The following ATM variants were observed in gnomAD, a reference collection of about 807,000 sequenced individuals.
ATM encodes the protein ATM serine/threonine kinase.
In ATM, 308 loss-of-function variants were observed where a neutral mutation model predicts 387.0. The observed-to-expected ratio is 0.80, with a 90% CI of 0.73 to 0.87. ATM has a LOEUF of 0.87. ATM is among the 40% of genes least tolerant of loss of function. ATM has a pLI of 0.00. For missense variants in ATM, 3,312 were observed against 3,560.9 expected, an observed-to-expected ratio of 0.93 and a Z score of 1.78; for synonymous variants, 1,156 against 1,187.3, an observed-to-expected ratio of 0.97 and a Z score of 0.54.
At chr11:108,291,399 A>G (rs895409787) in intron 29 of ATM, among the ~76,000 whole-genome samples, 1 of 152,244 alleles carries the variant, frequency 6.6e-6, no homozygotes, top group Admixed American at 6.5e-5. Flanking sequence ...TTAAATGGCC[A>G]GTTCAGTAGC....
Position 108,368,730 on chromosome 11 carries a change from C to G in ATM, c.*3222C>G, listed in dbSNP as rs1222514012. 1 of 214,204 alleles carries G rather than the reference C, an allele frequency of 4.7e-6. No homozygotes were observed. Among genetic ancestry groups the G allele is most frequent in the Non-Finnish European group, 9.4e-6 (1 of 106,030 alleles). The allele number at this position is 214,204 out of a possible 1,614,324, so 13.3% of individuals were successfully genotyped here. A position where few individuals can be genotyped will look rare whatever the true frequency, so the allele number is the denominator to read the frequency against. Reference sequence around the variant, plus strand: ...GTGTCCAGATTAAGGGAGATAATAGCTTTCCCACCCTACTTTGTGCAGGTC... The same window carrying G: ...GTGTCCAGATTAAGGGAGATAATAGGTTTCCCACCCTACTTTGTGCAGGTC... On this transcript the variant is annotated 3_prime_UTR_variant, in exon 63 of 63. Coordinates refer to ENST00000675843, the MANE Select transcript of ATM (RefSeq NM_000051.4).
At position 108,368,465 on chromosome 11, in the gene ATM, G is replaced by C. The variant is rs770767475; in HGVS notation, c.*2957G>C. The C allele has an allele frequency of 2.4e-4, 50 of 212,668 alleles. No homozygotes were observed. The highest frequency in any genetic ancestry group is 3.5e-4 in the Non-Finnish European group (37 of 105,220). 13.2% of individuals were successfully genotyped at this position (212,668 alleles called of 1,614,324 possible). A position where few individuals can be genotyped will look rare whatever the true frequency, so the allele number is the denominator to read the frequency against. Reference sequence around the variant, plus strand: ...GTACAGCATTTCTGATCTTTACTTTGCAAGATTAGTGATACTATCCCAATA... The same window carrying C: ...GTACAGCATTTCTGATCTTTACTTTCCAAGATTAGTGATACTATCCCAATA... On this transcript the variant is annotated 3_prime_UTR_variant, in exon 63 of 63. Coordinates refer to ENST00000675843, the MANE Select transcript of ATM (RefSeq NM_000051.4).
chr11:108,356,705 C>T (rs1446409866), intron 61 of ATM, among the ~76,000 whole-genome samples: 2 of 152,130 alleles, frequency 1.3e-5, no homozygotes, highest in Admixed American at 1.3e-4. Flanking sequence ...TAACACTCAC[C>T]AGAAGAAGGT....
chr11:108,336,023 G>C (rs2086813596), intron 56 of ATM, 62 bp downstream of exon 56: 1 of 1,297,106 alleles, frequency 7.7e-7, no homozygotes, highest in African/African-American at 1.5e-5. Flanking sequence ...TTGGTTGGGT[G>C]AAGTGGCTCA....
intron 24 of ATM, 137 bp from the exon 25 acceptor site, chr11:108,282,573 C>A: frequency 1.3e-6 from 1 of 742,834 alleles, no homozygotes; most frequent in Non-Finnish European, 2.2e-6. Flanking sequence ...AATTATTATT[C>A]CCATCTCATA....
intron 43 of ATM, among the ~76,000 whole-genome samples, chr11:108,317,758 G>A (rs2084874910): frequency 6.7e-6 from 1 of 149,728 alleles, no homozygotes; most frequent in Non-Finnish European, 1.5e-5. Flanking sequence ...GCAAGCTATA[G>A]ATAGCCCTAA....
At chr11:108,358,624 G>T (rs879581962) in intron 61 of ATM, among the ~76,000 whole-genome samples, 1 of 137,530 alleles carries the variant, frequency 7.3e-6, no homozygotes, top group Non-Finnish European at 1.6e-5. Context: ...AGCCAGAAGA[G>T]AGTGGGGGCC....
intron 22 of ATM, among the ~76,000 whole-genome samples, chr11:108,273,613 A>T (rs187238888): frequency 6.6e-6 from 1 of 152,124 alleles, no homozygotes; most frequent in East Asian, 1.9e-4. Context: ...AAGTGCTGAG[A>T]TTACAGGCGT....
chr11:108,259,058 G>C lies in ATM; in HGVS notation c.2449G>C (p.Asp817His), dbSNP rs587778067. The C allele has an allele frequency of 5.0e-5, 81 of 1,613,178 alleles. No homozygotes were observed. In the Admixed American group the frequency reaches 1.3e-3, roughly 26 times the overall value. ...ATCAAAGCTAATGAATGACATTGCA[G>C]ATATTTGTAAAAGTTTAGTAAGTAT... ...LTSKLMNDIA[D>H]ICKSLASFIK... is the part of the protein sequence containing the mutation. The change falls in exon 16 of 63, where the codon GAT becomes CAT. Residue 817 changes from aspartate to histidine, a missense_variant. Physicochemically the swap from Asp to His is moderately conservative, Grantham distance 81. Coordinates refer to ENST00000675843, the MANE Select transcript of ATM (RefSeq NM_000051.4).
chr11:108,345,855 T>G lies in ATM; in HGVS notation c.8531T>G (p.Ile2844Ser), dbSNP rs1591265172. The G allele has an allele frequency of 6.2e-7, 1 of 1,613,898 alleles. No individual in the cohort carries two copies. The highest frequency in any genetic ancestry group is 8.5e-7 in the Non-Finnish European group (1 of 1,179,856). Reference protein sequence around the residue: ...FCMEKFLDPAIWFEKRLAYTR... With the variant: ...FCMEKFLDPASWFEKRLAYTR... Reference sequence around the variant, plus strand: ...ATGGAAAAATTCTTGGATCCAGCTATTTGGTTTGAGAAGCGATTGGCTTAT... The same window carrying G: ...ATGGAAAAATTCTTGGATCCAGCTAGTTGGTTTGAGAAGCGATTGGCTTAT... Residue 2844 changes from isoleucine to serine, a missense_variant, in exon 58 of 63, where the codon ATT becomes AGT. Ile to Ser is a moderately radical substitution (Grantham distance 142). This residue lies in a region of ATM where 1,405 missense variants were observed against 1,604.4 expected (regional missense o/e 0.88). Transcript: ENST00000675843.
At chr11:108,239,244 G>C (rs1365675605) in intron 5 of ATM, among the ~76,000 whole-genome samples, 1 of 152,168 alleles carries the variant, frequency 6.6e-6, no homozygotes, top group Non-Finnish European at 1.5e-5. Context: ...GTAGTCTGCA[G>C]CCCCAAAGAG....
rs786203855 is a variant in ATM, at chr11:108,249,006, A to G, written c.1139A>G (p.Tyr380Cys). 3 of 1,613,416 alleles carry G rather than the reference A, an allele frequency of 1.9e-6. No homozygotes were observed. The highest frequency in any genetic ancestry group is 2.2e-5 in the South Asian group (2 of 91,076). ...ACTACACAAAGAGAATCTAGTGATT[A>G]CAGTGTCCCTTGCAAAAGGAAGAAA... is the stretch of plus-strand genomic sequence containing the variant. ...YTTTQRESSDYSVPCKRKKIE... is the reference protein window; with the variant it reads ...YTTTQRESSDCSVPCKRKKIE... The change falls in exon 9 of 63, where the codon TAC becomes TGC. Residue 380 changes from tyrosine (Y) to cysteine (C), a missense_variant. Around this residue, in one of 4 missense-constraint regions of ATM, gnomAD observed 1,791 missense variants for 1,804.5 expected, o/e 0.99. Coordinates refer to ENST00000675843, the MANE Select transcript of ATM (RefSeq NM_000051.4).
rs2135670138 is a variant in ATM at position 108,281,152 on chromosome 11, C to G, written c.3560C>G (p.Pro1187Arg). The G allele has an allele frequency of 1.2e-6, 2 of 1,613,848 alleles. No homozygotes were observed. The highest frequency in any genetic ancestry group is 1.7e-6 in the Non-Finnish European group (2 of 1,179,908). ...CKSVKENGLE[P>R]HLVKKVLEKV... ...TCTGTGAAAGAGAATGGATTAGAAC[C>G]TCACCTTGTGAAAAAGGTATATATG... Residue 1187 changes from proline (P) to arginine (R), a missense_variant, in exon 24 of 63, where the codon CCT (proline) becomes CGT (arginine). Pro to Arg is a moderately radical substitution (Grantham distance 103). This residue lies in a region of ATM where 1,791 missense variants were observed against 1,804.5 expected (regional missense o/e 0.99). Transcript: ENST00000675843.
intron 62 of ATM, 21 bp downstream of exon 62, chr11:108,365,239 G>C (rs1217928560): frequency 6.2e-7 from 1 of 1,614,170 alleles, no homozygotes; most frequent in Non-Finnish European, 8.5e-7. Flanking sequence ...TTTTAAGAAG[G>C]TCCTGTTGTC....
chr11:108,305,242 G>A (rs920147411), intron 37 of ATM, among the ~76,000 whole-genome samples: 3 of 152,138 alleles, frequency 2.0e-5, no homozygotes, highest in South Asian at 2.1e-4. Context: ...GTGCAGATAC[G>A]ATAGAATTTT....
chr11:108,242,960 G>A (rs1055808202), intron 5 of ATM, among the ~76,000 whole-genome samples: 4 of 151,968 alleles, frequency 2.6e-5, no homozygotes, highest in Admixed American at 6.6e-5. Flanking sequence ...TGGCTTATGC[G>A]TGTAATCCTA....
At chr11:108,257,967 G>A (rs2080613712) in intron 15 of ATM, among the ~76,000 whole-genome samples, 1 of 151,854 alleles carries the variant, frequency 6.6e-6, no homozygotes, top group Non-Finnish European at 1.5e-5. Context: ...GACCTCCTGG[G>A]CTCACAGCAG....
At chr11:108,288,045 A>T (rs1205279266) in intron 27 of ATM, among the ~76,000 whole-genome samples, 2 of 150,336 alleles carry the variant, frequency 1.3e-5, no homozygotes, top group South Asian at 2.1e-4. Flanking sequence ...TCTTCTCTTT[A>T]TCTAGGTCTT....
chr11:108,355,563 A>T (rs189328374), intron 61 of ATM: 1 of 152,836 alleles, frequency 6.5e-6, no homozygotes, highest in Non-Finnish European at 1.5e-5. Flanking sequence ...TGGCCTCCCC[A>T]GGGAAGCATG....
Sources: allele counts gnomAD v4.1 joint callset (sites outside exome capture counted in the v4.1 genomes callset), GRCh38; gene constraint gnomAD v4.1.1; regional missense constraint gnomAD v4.1.1; transcripts MANE v1.5; gene names NCBI Gene and HGNC (gene_info 2026-07-23, HGNC 2026-07-21).